The following TAFA2 variants were observed in gnomAD, a reference collection of about 807,000 sequenced individuals.
TAFA2 encodes the protein TAFA chemokine like family member 2, also known as chemokine-like protein TAFA-2.
In TAFA2, 7 loss-of-function variants were observed where a neutral mutation model predicts 18.8. The ratio of observed to expected loss-of-function variants is 0.37; its 90% confidence interval spans 0.21 to 0.70. TAFA2 has a LOEUF of 0.70. Ranked by LOEUF, TAFA2 falls within the 30% of genes least tolerant of loss-of-function variation. TAFA2 has a pLI of 0.53. For missense variants in TAFA2, 122 were observed against 158.1 expected (o/e 0.77, Z 1.23); for synonymous variants, 60 against 54.2 (o/e 1.11, Z -0.47).
intron 1 of TAFA2, among the ~76,000 whole-genome samples, chr12:62,067,996 A>C (rs963357529): frequency 2.0e-4 from 31 of 151,892 alleles, no homozygotes; most frequent in African/African-American, 6.3e-4. Flanking sequence ...TCTTCTAAAA[A>C]AAGGAAAATT....
intron 2 of TAFA2, among the ~76,000 whole-genome samples, chr12:61,859,433 A>ATTCTGTTTTTGT (rs1874027203): frequency 6.6e-6 from 1 of 151,260 alleles, no homozygotes; most frequent in Non-Finnish European, 1.5e-5. Flanking sequence ...ACAAAGCAAT[A>ATTCTGTTTTTGT]TTTTGTTTTT....
chr12:61,911,074 C>A (rs1276269672), intron 1 of TAFA2, among the ~76,000 whole-genome samples: 2 of 152,148 alleles, frequency 1.3e-5, no homozygotes, highest in African/African-American at 4.8e-5. Context: ...TTTGTCCTCA[C>A]AATTTTCAGA....
At chr12:61,758,795 T>A (rs574735301) in intron 2 of TAFA2, among the ~76,000 whole-genome samples, 1 of 152,080 alleles carries the variant, frequency 6.6e-6, no homozygotes, top group African/African-American at 2.4e-5. Context: ...GATAGATTTC[T>A]GGGGATGCTT....
intron 1 of TAFA2, among the ~76,000 whole-genome samples, chr12:62,059,792 AATTTTT>A (rs1368943775): frequency 1.3e-5 from 2 of 152,014 alleles, no homozygotes; most frequent in Non-Finnish European, 2.9e-5. Context: ...TTTTAATACC[AATTTTT>A]ATTTTTCATT....
intron 1 of TAFA2, among the ~76,000 whole-genome samples, chr12:62,051,569 T>C (rs567675076): frequency 6.6e-6 from 1 of 151,912 alleles, no homozygotes; most frequent in Non-Finnish European, 1.5e-5. Context: ...AAATGTACAA[T>C]TTTTCATTAC....
chr12:62,136,457 A>G (rs140594387), intron 1 of TAFA2, among the ~76,000 whole-genome samples: 100 of 152,294 alleles, frequency 6.6e-4, no homozygotes, highest in African/African-American at 2.3e-3. Context: ...CAATATTCAA[A>G]AAATACAAAT....
intron 1 of TAFA2, among the ~76,000 whole-genome samples, chr12:62,114,707 C>T (rs1869884435): frequency 6.6e-6 from 1 of 152,098 alleles, no homozygotes; most frequent in Non-Finnish European, 1.5e-5. Flanking sequence ...AGTACATGGC[C>T]GAGGTTCACA....
At chr12:61,753,940 A>C (rs1555161743) in intron 3 of TAFA2, among the ~76,000 whole-genome samples, 194 bp from the exon 4 acceptor site, 1 of 152,040 alleles carries the variant, frequency 6.6e-6, no homozygotes, top group Non-Finnish European at 1.5e-5. Flanking sequence ...TCTTTAAAAC[A>C]TTTTTTATTT....
intron 1 of TAFA2, chr12:61,879,776 G>A: frequency 1.4e-6 from 2 of 1,456,492 alleles, no homozygotes; most frequent in Non-Finnish European, 1.9e-6. Flanking sequence ...GTGGCAGCTG[G>A]AGACTCTGGG....
At chr12:62,093,050 A>G (rs866490973) in intron 1 of TAFA2, among the ~76,000 whole-genome samples, 1 of 152,022 alleles carries the variant, frequency 6.6e-6, no homozygotes, top group Non-Finnish European at 1.5e-5. Flanking sequence ...TAATCAATAC[A>G]TCAGTCTATT....
At chr12:61,926,180 T>C (rs977999864) in intron 1 of TAFA2, among the ~76,000 whole-genome samples, 1 of 152,076 alleles carries the variant, frequency 6.6e-6, no homozygotes, top group East Asian at 1.9e-4. Flanking sequence ...AAAAACAAGT[T>C]CTGAAATTGA....
At chr12:62,183,544 C>T (rs533298768) in intron 1 of TAFA2, among the ~76,000 whole-genome samples, 2 of 152,172 alleles carry the variant, frequency 1.3e-5, no homozygotes, top group East Asian at 1.9e-4. Context: ...CCACCATGCC[C>T]GGCTGATTTT....
chr12:62,194,225 G>A (rs1332499766), upstream of TAFA2, among the ~76,000 whole-genome samples: 1 of 151,670 alleles, frequency 6.6e-6, no homozygotes, highest in Non-Finnish European at 1.5e-5. Context: ...ATTCAAGCAG[G>A]AATGACATTG....
At chr12:61,888,981 T>A (rs1875511480) in intron 1 of TAFA2, among the ~76,000 whole-genome samples, 1 of 152,070 alleles carries the variant, frequency 6.6e-6, no homozygotes, top group African/African-American at 2.4e-5. Context: ...TCCCCTGGAG[T>A]GGTTGGAGAC....
At chr12:62,213,722 T>G (rs1191744174) in intron 1 of TAFA2, among the ~76,000 whole-genome samples, 1 of 152,190 alleles carries the variant, frequency 6.6e-6, no homozygotes, top group Admixed American at 6.5e-5. Flanking sequence ...GGTCTTGTCT[T>G]TCAGAATTTA....
At chr12:61,973,062 G>C (rs1193426121) in intron 1 of TAFA2, among the ~76,000 whole-genome samples, 1 of 151,632 alleles carries the variant, frequency 6.6e-6, no homozygotes, top group Non-Finnish European at 1.5e-5. Context: ...CAAAAGAACA[G>C]TATGTTTTTC....
intron 1 of TAFA2, among the ~76,000 whole-genome samples, chr12:62,155,610 G>C (rs1298247333): frequency 1.3e-5 from 2 of 152,096 alleles, no homozygotes; most frequent in African/African-American, 4.8e-5. Context: ...TAGACCAATG[G>C]AACAGAATAG....
At chr12:61,808,217 A>C (rs560133267) in intron 2 of TAFA2, among the ~76,000 whole-genome samples, 1 of 151,488 alleles carries the variant, frequency 6.6e-6, no homozygotes, top group Non-Finnish European at 1.5e-5. Context: ...AATGAGTCTC[A>C]TGAGATCTGA....
intron 1 of TAFA2, among the ~76,000 whole-genome samples, chr12:62,142,602 GGA>G (rs1317609228): frequency 6.6e-6 from 1 of 152,126 alleles, no homozygotes; most frequent in Non-Finnish European, 1.5e-5. Flanking sequence ...CACACTTAGA[GGA>G]GAGAGTAGGA....
Sources: allele counts gnomAD v4.1 joint callset (sites outside exome capture counted in the v4.1 genomes callset), GRCh38; gene constraint gnomAD v4.1.1; transcripts MANE v1.5; gene names NCBI Gene and HGNC (gene_info 2026-07-23, HGNC 2026-07-21).